The following KRT222 variants were observed in gnomAD, a reference collection of about 807,000 sequenced individuals.
KRT222 encodes keratin 222.
In KRT222, 23 loss-of-function variants were observed where a neutral mutation model predicts 35.0. The observed-to-expected ratio is 0.66, with a 90% CI of 0.47 to 0.93. The LOEUF (loss-of-function observed/expected upper bound fraction) is 0.93, where lower values mean the gene tolerates loss of function less well. Ranked by LOEUF, KRT222 falls within the 40% of genes least tolerant of loss-of-function variation. The pLI is 0.00. For synonymous variants in KRT222, 108 were observed against 118.8 expected (o/e 0.91, Z 0.59); for missense variants, 339 against 346.3 (o/e 0.98, Z 0.17).
intron 2 of KRT222, among the ~76,000 whole-genome samples, chr17:40,660,465 G>A (rs2037375870): frequency 2.0e-5 from 3 of 151,844 alleles, no homozygotes; most frequent in Admixed American, 2.0e-4. Flanking sequence ...ATCTTTAGTA[G>A]AGGCGGGGTT....
chr17:40,658,638 G>T (rs1348159842), intron 3 of KRT222, among the ~76,000 whole-genome samples: 1 of 152,152 alleles, frequency 6.6e-6, no homozygotes, highest in African/African-American at 2.4e-5. Context: ...CACTCAGCTA[G>T]TAAGTGGTAT....
chr17:40,660,478 A>AAACCAG (rs1754867676), intron 2 of KRT222, among the ~76,000 whole-genome samples: 1 of 151,766 alleles, frequency 6.6e-6, no homozygotes. Flanking sequence ...GCGGGGTTTC[A>AAACCAG]TCATGTTGGC....
At chr17:40,663,349 G>A (rs948224770) in intron 1 of KRT222, among the ~76,000 whole-genome samples, 1 of 152,186 alleles carries the variant, frequency 6.6e-6, no homozygotes, top group African/African-American at 2.4e-5. Flanking sequence ...GGAATGCTGT[G>A]CCACTTCTAG....
In KRT222 at chr17:40,660,214, T is replaced by C; in HGVS notation, c.226-7A>G. 6.2e-7 allele frequency: 1 copy of C among 1,608,412 alleles called. No individual in the cohort carries two copies. Among genetic ancestry groups the C allele is most frequent in the Non-Finnish European group, 8.5e-7 (1 of 1,177,028 alleles). The stretch of plus-strand genomic sequence containing the variant: ...AGTTTTCAAGGCCCCTTTCCTGTTT[T>C]ATATAGATTTTCATCAGTGAATCAG... On this transcript the variant is annotated splice_polypyrimidine_tract_variant and splice_region_variant and intron_variant, in intron 2 of 5. Coordinates refer to ENST00000394052, the MANE Select transcript of KRT222 (RefSeq NM_152349.3).
intron 3 of KRT222, among the ~76,000 whole-genome samples, chr17:40,658,938 T>C (rs1438925134): frequency 6.6e-6 from 1 of 152,198 alleles, no homozygotes; most frequent in African/African-American, 2.4e-5. Flanking sequence ...CAAAATAATA[T>C]TGCTTTCCGT....
rs771819540 is a variant in KRT222, at chr17:40,665,112, C to T, written c.-13G>A. On this transcript the variant is annotated 5_prime_UTR_variant, in exon 1 of 6. Transcript: ENST00000394052. ...GGGACAGTTCCATTCTTTTCCCATCCTCCACCTTGGCTAACTGAACCTTAT... is the reference window on the plus strand; with the variant it reads ...GGGACAGTTCCATTCTTTTCCCATCTTCCACCTTGGCTAACTGAACCTTAT... The T allele has an allele frequency of 1.4e-5, 23 of 1,613,256 alleles. No individual in the cohort carries two copies. The highest frequency in any genetic ancestry group is 1.9e-5 in the Non-Finnish European group (23 of 1,179,726).
At chr17:40,664,473 T>C (rs954837654) in intron 1 of KRT222, among the ~76,000 whole-genome samples, 13 of 152,214 alleles carry the variant, frequency 8.5e-5, no homozygotes, top group African/African-American at 2.7e-4. Context: ...TATATCATTG[T>C]TTCTGAATGC....
rs537144610 is a variant in KRT222 at position 40,658,874 on chromosome 17, C to T, written c.446+1113G>A. Among the ~76,000 whole-genome samples, 3 of 152,160 alleles carry T rather than the reference C, an allele frequency of 2.0e-5. No homozygotes were observed. The South Asian group carries it at 6.2e-4, about 32-fold the overall frequency. On this transcript the variant is annotated intron_variant, in intron 3 of 5. Transcript: ENST00000394052. The stretch of plus-strand genomic sequence containing the variant: ...ATGATGTATGAATTAACAAGAATTC[C>T]TCTTTTGATATCTTTTCCTATCAGG...
intron 4 of KRT222, 64 bp from the exon 5 acceptor site, chr17:40,657,551 T>A: frequency 6.7e-7 from 1 of 1,487,546 alleles, no homozygotes; most frequent in Non-Finnish European, 9.1e-7. Flanking sequence ...CAAATTATAT[T>A]CAAACTTTTA....
intron 2 of KRT222, among the ~76,000 whole-genome samples, chr17:40,661,180 G>A (rs1235078655): frequency 6.6e-6 from 1 of 151,968 alleles, no homozygotes; most frequent in African/African-American, 2.4e-5. Context: ...CTGGCCTCAA[G>A]CCTTGGCCTT....
intron 1 of KRT222, among the ~76,000 whole-genome samples, chr17:40,664,416 T>C (rs1478459132): frequency 6.6e-6 from 1 of 152,160 alleles, no homozygotes; most frequent in Non-Finnish European, 1.5e-5. Context: ...AGCAAAAATC[T>C]TAGTGGAGAA....
rs1427131107 is a variant in KRT222, at chr17:40,665,017, G to C, written c.83C>G (p.Ser28Ter). The change falls in exon 1 of 6, where the codon TCA becomes TGA. Residue 28 changes from serine (S) to a stop codon, truncating the protein, a stop_gained. Coordinates refer to ENST00000394052, the MANE Select transcript of KRT222 (RefSeq NM_152349.3). LOFTEE classifies it high-confidence loss of function. ...TGAAATCATTACCTGGATCCTTGTT[G>C]AGAGCACCGTCTCTATCTGATTTCT... is the stretch of plus-strand genomic sequence containing the variant. ...LTRNQIETVL[S>*]TRIQLEEDIS... 1 of 1,613,814 alleles carries C rather than the reference G, an allele frequency of 6.2e-7. No individual in the cohort carries two copies. Among genetic ancestry groups the C allele is most frequent in the East Asian group, 2.2e-5 (1 of 44,878 alleles).
intron 3 of KRT222, 65 bp downstream of exon 3, chr17:40,659,922 T>A (rs2037370693): frequency 7.3e-7 from 1 of 1,363,442 alleles, no homozygotes; most frequent in African/African-American, 1.4e-5. Context: ...TCTGACTACA[T>A]CAACAATGGC....
chr17:40,660,176 C>CT lies in KRT222; in HGVS notation c.256dup (p.Ser86LysfsTer17). ...CAGCTGCATCTGGTAATGCTGCTCG[C>CT]TGGCATGTAGGGAGTTTTCAAGGCC... On this transcript the variant is annotated frameshift_variant, in exon 3 of 6. Coordinates refer to ENST00000394052, the MANE Select transcript of KRT222 (RefSeq NM_152349.3). LOFTEE classifies it high-confidence loss of function. 1.2e-6 allele frequency: 2 copies of CT among 1,614,030 alleles called. No individual in the cohort carries two copies. The highest frequency in any genetic ancestry group is 2.2e-5 in the South Asian group (2 of 91,070).
At chr17:40,657,508 ATATAT>A in intron 4 of KRT222, 21 bp from the exon 5 acceptor site, 1 of 1,553,642 alleles carries the variant, frequency 6.4e-7, no homozygotes, top group Non-Finnish European at 8.8e-7. Flanking sequence ...ATCATTTATG[ATATAT>A]TAAATTACAG....
rs9911811 is a variant in KRT222, at chr17:40,663,329, T to G, written c.97-1285A>C. 2.9e-3 allele frequency among the ~76,000 whole-genome samples: 446 copies of G among 152,286 alleles called. 5 individuals are homozygous for G. Among genetic ancestry groups the G allele is most frequent in the African/African-American group, 0.01 (435 of 41,570 alleles). On this transcript the variant is annotated intron_variant, in intron 1 of 5. Transcript: ENST00000394052. ...CTGGGTCTTGCTTTAACCAGTAGAATGAGGCAGAAGGAATGCTGTGCCACT... is the reference window on the plus strand; with the variant it reads ...CTGGGTCTTGCTTTAACCAGTAGAAGGAGGCAGAAGGAATGCTGTGCCACT...
chr17:40,661,961 G>T lies in KRT222; in HGVS notation c.180C>A (p.Arg60=). ...TTTCCACTTGCAGGTGGTGCCACTGGCGTCGGGCCTCCTTGAGTTCTGCTT... is the reference window on the plus strand; with the variant it reads ...TTTCCACTTGCAGGTGGTGCCACTGTCGTCGGGCCTCCTTGAGTTCTGCTT... ...AAQAELKEAR[R]QWHHLQVEIE... is the part of the protein sequence containing the mutation. The change falls in exon 2 of 6, where the codon CGC becomes CGA. Residue 60 remains arginine, a synonymous_variant. Transcript: ENST00000394052. 1 of 1,614,162 alleles carries T rather than the reference G, an allele frequency of 6.2e-7. No individual in the cohort carries two copies. Among genetic ancestry groups the T allele is most frequent in the Non-Finnish European group, 8.5e-7 (1 of 1,180,030 alleles).
At chr17:40,659,837 C>T (rs988514874) in intron 3 of KRT222, 150 bp downstream of exon 3, 13 of 702,834 alleles carry the variant, frequency 1.8e-5, no homozygotes, top group African/African-American at 3.6e-5. Flanking sequence ...TTCATATATT[C>T]TTTGCAGTGC....
intron 1 of KRT222, among the ~76,000 whole-genome samples, chr17:40,663,665 ATAAC>A (rs1035990397): frequency 1.2e-3 from 189 of 152,368 alleles, no homozygotes; most frequent in African/African-American, 4.5e-3. Context: ...ATTTAAAAAA[ATAAC>A]TAATCAGGCT....
Sources: gnomAD v4.1 joint callset for allele counts (sites outside exome capture counted in the v4.1 genomes callset) on GRCh38, gnomAD v4.1.1 for gene constraint, MANE v1.5 for transcripts, NCBI Gene and HGNC (gene_info 2026-07-23, HGNC 2026-07-21) for gene names.